The following ERVV-2 variants were observed in gnomAD, a reference collection of about 807,000 sequenced individuals.
The protein encoded by ERVV-2 is endogenous retrovirus group V member 2 Env polyprotein.
For missense variants in ERVV-2, 291 were observed against 495.1 expected, an observed-to-expected ratio of 0.59 and a Z score of 3.91; for synonymous variants, 105 against 184.6, an observed-to-expected ratio of 0.57 and a Z score of 3.49.
chr19:53,046,881 G>GT (rs1217638513), intron 1 of ERVV-2, among the ~76,000 whole-genome samples: 18 of 152,108 alleles, frequency 1.2e-4, no homozygotes, highest in African/African-American at 4.3e-4. Flanking sequence ...GAGAAACCCC[G>GT]TATCGGCTGG....
intron 1 of ERVV-2, among the ~76,000 whole-genome samples, chr19:53,046,119 G>A (rs1023651033): frequency 1.2e-4 from 18 of 151,966 alleles, no homozygotes; most frequent in African/African-American, 3.9e-4. Flanking sequence ...AAAATTAGCC[G>A]GGCGTGGTGG....
chr19:53,050,618 G>T lies in ERVV-2; in HGVS notation c.1367G>T (p.Trp456Leu), dbSNP rs1169462204. 8.1e-7 allele frequency: 1 copy of T among 1,227,584 alleles called. No individual in the cohort carries two copies. Among genetic ancestry groups the T allele is most frequent in the Admixed American group, 2.0e-5 (1 of 50,626 alleles). The allele number at this position is 1,227,584 out of a possible 1,614,324, so 76.0% of individuals were successfully genotyped here. A position where few individuals can be genotyped will look rare whatever the true frequency, so the allele number is the denominator to read the frequency against. The change falls in exon 2 of 2, where the codon TGG becomes TTG. Residue 456 changes from tryptophan (W) to leucine (L), a missense_variant. Coordinates refer to ENST00000601417, the MANE Select transcript of ERVV-2 (RefSeq NM_001191055.2). Reference sequence around the variant, plus strand: ...AAGTCTGCCCTCCCCTCCCTCAACTGGTTTGTCCCTTTACTGGGACCAGCA... The same window carrying T: ...AAGTCTGCCCTCCCCTCCCTCAACTTGTTTGTCCCTTTACTGGGACCAGCA... The part of the protein sequence containing the change: ...AVKSALPSLN[W>L]FVPLLGPATV...
rs57887970 is a variant in ERVV-2, at chr19:53,051,136, C to CTTTTTTTTTTTTTTTTTTTT, written c.*286_*305dup. 26 of 110,014 alleles carry CTTTTTTTTTTTTTTTTTTTT rather than the reference C, an allele frequency of 2.4e-4. 1 individual carries two copies. The highest frequency in any genetic ancestry group is 1.2e-3 in the African/African-American group (26 of 21,158). The allele number at this position is 110,014 out of a possible 1,614,324, so 6.8% of individuals were successfully genotyped here. On this transcript the variant is annotated 3_prime_UTR_variant, in exon 2 of 2. Coordinates refer to ENST00000601417, the MANE Select transcript of ERVV-2 (RefSeq NM_001191055.2). ...TAACCCATCCTAGAACAGCCTTTTG[C>CTTTTTTTTTTTTTTTTTTTT]TTTTTTTTTTTTTTTTTTTTTTTTT...
rs995171143 is a variant in ERVV-2, at chr19:53,051,054, C to G, written c.*195C>G. 1.1e-5 allele frequency: 6 copies of G among 550,146 alleles called. No homozygotes were observed. The highest frequency in any genetic ancestry group is 4.8e-4 in the Middle Eastern group (1 of 2,098). The allele number at this position is 550,146 out of a possible 1,614,324, so 34.1% of individuals were successfully genotyped here. On this transcript the variant is annotated 3_prime_UTR_variant, in exon 2 of 2. Coordinates refer to ENST00000601417, the MANE Select transcript of ERVV-2 (RefSeq NM_001191055.2). ...CTTGGGAAAGGAATCTTTAGAAACG[C>G]AGCCCACTGATAGCTTCCTTGGTGA... is the stretch of plus-strand genomic sequence containing the variant.
chr19:53,046,980 A>G (rs183821749), intron 1 of ERVV-2, among the ~76,000 whole-genome samples: 208 of 152,238 alleles, frequency 1.4e-3, no homozygotes, highest in South Asian at 2.9e-3. Context: ...AGCCTGGCCA[A>G]TATGGTGGAA....
In ERVV-2 at chr19:53,050,720, A is replaced by G. The variant is rs1359684225; in HGVS notation, c.1469A>G (p.Lys490Arg). Residue 490 changes from lysine to arginine, a missense_variant, in exon 2 of 2, where the codon AAG becomes AGG. Coordinates refer to ENST00000601417, the MANE Select transcript of ERVV-2 (RefSeq NM_001191055.2). Reference protein sequence around the residue: ...LLIKCVSSRIKQFHMKSPQME... With the variant: ...LLIKCVSSRIRQFHMKSPQME... ...ATTAAGTGTGTCTCTTCTAGGATAA[A>G]GCAATTTCACATGAAGTCCCCCCAA... The G allele has an allele frequency of 1.3e-5, 20 of 1,536,010 alleles. No homozygotes were observed. Among genetic ancestry groups the G allele is most frequent in the South Asian group, 2.4e-5 (2 of 84,056 alleles).
chr19:53,050,162 G>C lies in ERVV-2; in HGVS notation c.911G>C (p.Arg304Pro). 1 of 1,441,856 alleles carries C rather than the reference G, an allele frequency of 6.9e-7. No individual in the cohort carries two copies. Among genetic ancestry groups the C allele is most frequent in the South Asian group, 1.3e-5 (1 of 79,950 alleles). The allele number at this position is 1,441,856 out of a possible 1,614,324, so 89.3% of individuals were successfully genotyped here. A position where few individuals can be genotyped will look rare whatever the true frequency, so the allele number is the denominator to read the frequency against. The change falls in exon 2 of 2, where the codon CGG becomes CCG. Residue 304 changes from arginine (R) to proline (P), a missense_variant. Transcript: ENST00000601417. Reference sequence around the variant, plus strand: ...TGTGCTGTGGGACTTTTGGGACCACGGGGGATAGGTGTGACCATTTATAAC... The same window carrying C: ...TGTGCTGTGGGACTTTTGGGACCACCGGGGATAGGTGTGACCATTTATAAC... ...GECAVGLLGP[R>P]GIGVTIYNTT...
chr19:53,051,091 G>T lies in ERVV-2; in HGVS notation c.*232G>T. ...AGCTTCCTTGGTGATGCTGCCCACA[G>T]ACAGTCAGCACTTCTCTAATAACCC... On this transcript the variant is annotated 3_prime_UTR_variant, in exon 2 of 2. Transcript: ENST00000601417. 1 of 409,444 alleles carries T rather than the reference G, an allele frequency of 2.4e-6. No individual in the cohort carries two copies. The highest frequency in any genetic ancestry group is 4.3e-6 in the Non-Finnish European group (1 of 230,488). The allele number at this position is 409,444 out of a possible 1,614,324, so 25.4% of individuals were successfully genotyped here. A position where few individuals can be genotyped will look rare whatever the true frequency, so the allele number is the denominator to read the frequency against.
chr19:53,051,136 CTTTTTTTTT>C lies in ERVV-2; in HGVS notation c.*297_*305del, dbSNP rs57887970. 906 of 111,148 alleles carry C rather than the reference CTTTTTTTTT, an allele frequency of 8.2e-3. 3 individuals are homozygous for C. The highest frequency in any genetic ancestry group is 0.019 in the South Asian group (77 of 4,010). 6.9% of individuals were successfully genotyped at this position (111,148 alleles called of 1,614,324 possible). A position where few individuals can be genotyped will look rare whatever the true frequency, so the allele number is the denominator to read the frequency against. On this transcript the variant is annotated 3_prime_UTR_variant, in exon 2 of 2. Transcript: ENST00000601417. ...TAACCCATCCTAGAACAGCCTTTTG[CTTTTTTTTT>C]TTTTTTTTTTTTTTTTTTTGAGACA...
chr19:53,045,882 C>T (rs57091306), intron 1 of ERVV-2, among the ~76,000 whole-genome samples: 12 of 152,012 alleles, frequency 7.9e-5, no homozygotes, highest in African/African-American at 2.7e-4. Context: ...TACTTTTTTC[C>T]TCAGAAATGA....
At chr19:53,046,817 C>T (rs1172397987) in intron 1 of ERVV-2, among the ~76,000 whole-genome samples, 1 of 152,120 alleles carries the variant, frequency 6.6e-6, no homozygotes, top group East Asian at 1.9e-4. Context: ...TTTCGGAGGC[C>T]AAGGCGGGCG....
rs1295018636 is a variant in ERVV-2 at position 53,050,580 on chromosome 19, C to T, written c.1329C>T (p.Ile443=). The T allele has an allele frequency of 1.1e-4, 99 of 902,850 alleles. No individual in the cohort carries two copies. The Admixed American group carries it at 1.5e-3, about 14-fold the overall frequency. The allele number at this position is 902,850 out of a possible 1,614,324, so 55.9% of individuals were successfully genotyped here. A position where few individuals can be genotyped will look rare whatever the true frequency, so the allele number is the denominator to read the frequency against. Residue 443 remains isoleucine (I), a synonymous_variant, in exon 2 of 2, where the codon ATC becomes ATT. Transcript: ENST00000601417. The stretch of plus-strand genomic sequence containing the variant: ...AAGGAGGTGCTTCAGCAAGGGCCAT[C>T]TGGGAGGCTGTGAAGTCTGCCCTCC... ...FGKGGASARA[I]WEAVKSALPS...
In ERVV-2 at chr19:53,051,136, C is replaced by CTTTTTTTTTTTTTTTTTTT. The variant is rs57887970; in HGVS notation, c.*287_*305dup. On this transcript the variant is annotated 3_prime_UTR_variant, in exon 2 of 2. Coordinates refer to ENST00000601417, the MANE Select transcript of ERVV-2 (RefSeq NM_001191055.2). ...TAACCCATCCTAGAACAGCCTTTTG[C>CTTTTTTTTTTTTTTTTTTT]TTTTTTTTTTTTTTTTTTTTTTTTT... The CTTTTTTTTTTTTTTTTTTT allele has an allele frequency of 3.5e-4, 39 of 110,016 alleles. 6 individuals carry two copies. Among genetic ancestry groups the CTTTTTTTTTTTTTTTTTTT allele is most frequent in the African/African-American group, 1.8e-3 (39 of 21,160 alleles). The allele number at this position is 110,016 out of a possible 1,614,324, so 6.8% of individuals were successfully genotyped here.
chr19:53,048,607 G>A (rs942080649), intron 1 of ERVV-2, among the ~76,000 whole-genome samples: 5 of 149,876 alleles, frequency 3.3e-5, no homozygotes, highest in African/African-American at 1.2e-4. Context: ...CCTGGGAGGC[G>A]GAGGTTGCGG....
Position 53,050,812 on chromosome 19 carries a change from G to A in ERVV-2, c.1561G>A (p.Ala521Thr), listed in dbSNP as rs1324027068. 1.3e-6 allele frequency: 2 copies of A among 1,535,174 alleles called. No individual in the cohort carries two copies. Among genetic ancestry groups the A allele is most frequent in the African/African-American group, 2.7e-5 (2 of 72,946 alleles). The change falls in exon 2 of 2, where the codon GCC becomes ACC. Residue 521 changes from alanine to threonine, a missense_variant. Coordinates refer to ENST00000601417, the MANE Select transcript of ERVV-2 (RefSeq NM_001191055.2). ...STYKHISPLDASGQRFRETME... is the reference protein window; with the variant it reads ...STYKHISPLDTSGQRFRETME... ...CTATAAGCACATCTCCCCCTTGGAT[G>A]CCAGTGGGCAAAGATTCCGGGAAAC...
At chr19:53,048,326 G>T (rs1007640816) in intron 1 of ERVV-2, among the ~76,000 whole-genome samples, 1 of 151,980 alleles carries the variant, frequency 6.6e-6, no homozygotes, top group Admixed American at 6.6e-5. Flanking sequence ...AGTGAGCTGA[G>T]ATCGCACCAT....
At chr19:53,048,530 C>T (rs1279448887) in intron 1 of ERVV-2, among the ~76,000 whole-genome samples, 1 of 151,760 alleles carries the variant, frequency 6.6e-6, no homozygotes, top group Non-Finnish European at 1.5e-5. Flanking sequence ...ACAAAATTAG[C>T]TGGGCATGCT....
Position 53,050,599 on chromosome 19 carries a change from GCCCTC to G in ERVV-2, c.1356_1360del (p.Ser453GlnfsTer25). ...GGCCATCTGGGAGGCTGTGAAGTCT[GCCCTC>G]CCCTCCCTCAACTGGTTTGTCCCTT... is the stretch of plus-strand genomic sequence containing the variant. On this transcript the variant is annotated frameshift_variant, in exon 2 of 2. Transcript: ENST00000601417. LOFTEE classifies it low-confidence loss of function (END_TRUNC). 1 of 1,053,414 alleles carries G rather than the reference GCCCTC, an allele frequency of 9.5e-7. No homozygotes were observed. The highest frequency in any genetic ancestry group is 1.4e-6 in the Non-Finnish European group (1 of 706,236). 65.3% of individuals were successfully genotyped at this position (1,053,414 alleles called of 1,614,324 possible).
rs138743720 is a variant in ERVV-2, at chr19:53,050,702, G to T, written c.1451G>T (p.Cys484Phe). Reference protein sequence around the residue: ...GPCFFNLLIKCVSSRIKQFHM... With the variant: ...GPCFFNLLIKFVSSRIKQFHM... The stretch of plus-strand genomic sequence containing the variant: ...TGTTTCTTTAATTTACTGATTAAGT[G>T]TGTCTCTTCTAGGATAAAGCAATTT... The change falls in exon 2 of 2, where the codon TGT (cysteine) becomes TTT (phenylalanine). Residue 484 changes from cysteine (C) to phenylalanine (F), a missense_variant. By Grantham distance (205) the Cys-to-Phe change is radical. Transcript: ENST00000601417. 1 of 1,532,008 alleles carries T rather than the reference G, an allele frequency of 6.5e-7. No homozygotes were observed. The highest frequency in any genetic ancestry group is 8.7e-7 in the Non-Finnish European group (1 of 1,143,232). The allele number at this position is 1,532,008 out of a possible 1,614,324, so 94.9% of individuals were successfully genotyped here. A position where few individuals can be genotyped will look rare whatever the true frequency, so the allele number is the denominator to read the frequency against.
Sources: gnomAD v4.1 joint callset for allele counts (sites outside exome capture counted in the v4.1 genomes callset) on GRCh38, gnomAD v4.1.1 for gene constraint, MANE v1.5 for transcripts, NCBI Gene and HGNC (gene_info 2026-07-23, HGNC 2026-07-21) for gene names.